Variants in APC observed in about 807,000 individuals in gnomAD.
APC encodes adenomatous polyposis coli protein.
Under a neutral mutation model 247.0 loss-of-function variants are expected in APC, and 72 were observed. That is an observed-to-expected ratio of 0.29 (90% CI 0.24 to 0.35). The LOEUF (loss-of-function observed/expected upper bound fraction) is 0.35, where lower values mean the gene tolerates loss of function less well. Among genes scored for constraint, APC ranks in the 10% least tolerant of loss-of-function variants. The pLI is 1.00. For missense variants in APC, 3,400 were observed against 3,360.7 expected (o/e 1.01, Z -0.29); for synonymous variants, 1,254 against 1,162.5 (o/e 1.08, Z -1.60).
intron 4 of APC, 134 bp from the exon 5 acceptor site, chr5:112,775,495 G>A (rs886209305): frequency 5.3e-6 from 3 of 565,616 alleles, no homozygotes; most frequent in Admixed American, 6.6e-5. Context: ...TGAAATCAAT[G>A]TAAATTTTTT....
chr5:112,787,414 TAC>T (rs760258509), intron 6 of APC, among the ~76,000 whole-genome samples: 24 of 152,046 alleles, frequency 1.6e-4, no homozygotes, highest in African/African-American at 3.4e-4. Context: ...CTTTTTAGTT[TAC>T]ATTCCTAATA....
chr5:112,752,024 T>C (rs1340843755), intron 1 of APC, among the ~76,000 whole-genome samples: 1 of 152,088 alleles, frequency 6.6e-6, no homozygotes, highest in Non-Finnish European at 1.5e-5. Context: ...ATAATTAATT[T>C]TCTAATAGTG....
intron 1 of APC, among the ~76,000 whole-genome samples, chr5:112,741,706 C>G (rs1581075420): frequency 6.6e-6 from 1 of 152,112 alleles, no homozygotes; most frequent in African/African-American, 2.4e-5. Flanking sequence ...GCAACCATCA[C>G]CACCACCCAT....
At chr5:112,795,435 C>T (rs1459416546) in intron 7 of APC, among the ~76,000 whole-genome samples, 2 of 152,124 alleles carry the variant, frequency 1.3e-5, no homozygotes, top group Non-Finnish European at 1.5e-5. Context: ...AATAATTGGC[C>T]ACATGAGGAT....
rs1561545834 is a variant in APC at position 112,821,902 on chromosome 5, C to T, written c.1319C>T (p.Ala440Val). 1 of 1,612,032 alleles carries T rather than the reference C, an allele frequency of 6.2e-7. No homozygotes were observed. The highest frequency in any genetic ancestry group is 8.5e-7 in the Non-Finnish European group (1 of 1,178,544). ...TGTTGATTTTATTTTTCAGTGCCAGCTCCTGTTGAACATCAGATCTGTCCT... is the reference window on the plus strand; with the variant it reads ...TGTTGATTTTATTTTTCAGTGCCAGTTCCTGTTGAACATCAGATCTGTCCT... The part of the protein sequence containing the change: ...GMDQDKNPMP[A>V]PVEHQICPAV... The change falls in exon 11 of 16, where the codon GCT becomes GTT. Residue 440 changes from alanine to valine, a missense_variant. By Grantham distance (64) the Ala-to-Val change is moderately conservative (BLOSUM62 0). This residue lies in a region of APC where 199 missense variants were observed against 212.5 expected (regional missense o/e 0.94). Transcript: ENST00000257430.
At position 112,819,152 on chromosome 5, in the gene APC, C is replaced by T. The variant is rs947634162; in HGVS notation, c.1120C>T (p.Arg374Trp). 3.7e-6 allele frequency: 6 copies of T among 1,613,972 alleles called. No individual in the cohort carries two copies. The highest frequency in any genetic ancestry group is 2.2e-5 in the East Asian group (1 of 44,834). Residue 374 changes from arginine (R) to tryptophan (W), a missense_variant, in exon 10 of 16, where the codon CGG (arginine) becomes TGG (tryptophan). Transcript: ENST00000257430. ...DKDSVLLGNS[R>W]GSKEARARAS... ...AGACTCTGTATTGTTGGGAAATTCCCGGGGCAGTAAAGAGGCTCGGGCCAG... is the reference window on the plus strand; with the variant it reads ...AGACTCTGTATTGTTGGGAAATTCCTGGGGCAGTAAAGAGGCTCGGGCCAG...
In APC at chr5:112,800,399, A is replaced by G. The variant is rs536323249; in HGVS notation, c.730-880A>G. Among the ~76,000 whole-genome samples, 17 of 152,266 alleles carry G rather than the reference A, an allele frequency of 1.1e-4. No individual in the cohort carries two copies. The South Asian group carries it at 3.3e-3, about 30-fold the overall frequency. On this transcript the variant is annotated intron_variant, in intron 7 of 15. Transcript: ENST00000257430. ...CTTTTGCCAGCATATAACTGATACT[A>G]GTTTATTGATGGAAATGTTGCATAT...
chr5:112,771,351 G>T (rs139874529), intron 4 of APC, among the ~76,000 whole-genome samples: 1,640 of 152,058 alleles, frequency 0.011, 23 homozygotes, highest in Non-Finnish European at 0.013. Flanking sequence ...GAATTTTTCT[G>T]ATCTAATTTG....
intron 8 of APC, among the ~76,000 whole-genome samples, chr5:112,813,519 A>T (rs896704437): frequency 1.3e-5 from 2 of 152,174 alleles, no homozygotes; most frequent in African/African-American, 4.8e-5. Flanking sequence ...ATCCTGACGA[A>T]TCACTTAGGA....
At chr5:112,740,886 C>G (rs761070725) in intron 1 of APC, among the ~76,000 whole-genome samples, 1 of 152,092 alleles carries the variant, frequency 6.6e-6, no homozygotes, top group African/African-American at 2.4e-5. Flanking sequence ...TAAACTGTTA[C>G]TCATTTTATG....
chr5:112,826,933 A>G (rs1383649087), intron 11 of APC, among the ~76,000 whole-genome samples, 175 bp from the exon 12 acceptor site: 2 of 152,188 alleles, frequency 1.3e-5, no homozygotes, highest in African/African-American at 2.4e-5. Context: ...CTTTATAAAT[A>G]TATTATACAG....
rs1580667302 is a variant in APC at position 112,841,673 on chromosome 5, C to T, written c.6079C>T (p.Leu2027Phe). The change falls in exon 16 of 16, where the codon CTC (leucine) becomes TTC (phenylalanine). Residue 2027 changes from leucine (L) to phenylalanine (F), a missense_variant. By Grantham distance (22) the Leu-to-Phe change is conservative. Around this residue, in one of 9 missense-constraint regions of APC, gnomAD observed 1,788 missense variants for 1,649.5 expected, o/e 1.08. Coordinates refer to ENST00000257430, the MANE Select transcript of APC (RefSeq NM_000038.6). This position sits in a 1 kb window ranked among gnomAD's most constrained non-coding sequence, Gnocchi z 4.6. ...TPVCFSRNSS[L>F]SSLSIDSEDD... The stretch of plus-strand genomic sequence containing the variant: ...AGTTTGTTTCTCAAGAAACAGTTCT[C>T]TCAGTTCTCTTAGTATTGACTCTGA... The T allele has an allele frequency of 1.2e-6, 2 of 1,613,844 alleles. No homozygotes were observed. Among genetic ancestry groups the T allele is most frequent in the Non-Finnish European group, 1.7e-6 (2 of 1,179,776 alleles).
chr5:112,745,014 G>T (rs1248816002), intron 1 of APC, among the ~76,000 whole-genome samples: 1 of 152,118 alleles, frequency 6.6e-6, no homozygotes, highest in Non-Finnish European at 1.5e-5. Flanking sequence ...TTAATATATA[G>T]AAAGCATTTA....
At chr5:112,827,837 A>G (rs1366670632) in intron 12 of APC, 92 bp from the exon 13 acceptor site, 4 of 1,018,380 alleles carry the variant, frequency 3.9e-6, no homozygotes, top group East Asian at 2.5e-5. Flanking sequence ...AAACAAAATA[A>G]TGAAAACTGA....
intron 8 of APC, among the ~76,000 whole-genome samples, chr5:112,808,340 G>A (rs533115105): frequency 6.4e-4 from 97 of 152,236 alleles, no homozygotes; most frequent in Non-Finnish European, 1.3e-3. Flanking sequence ...ATAGGAATTA[G>A]TATATCTCTG....
chr5:112,737,945 T>TGGCC lies in APC; in HGVS notation c.-19+21_-19+24dup. On this transcript the variant is annotated intron_variant, in intron 1 of 15. Coordinates refer to ENST00000257430, the MANE Select transcript of APC (RefSeq NM_000038.6). ...AATGGGGTAGGTGCTGGAGCCACCA[T>TGGCC]GGCCAGGCTTGCTGCGGGGGGAGGG... The TGGCC allele has an allele frequency of 3.0e-6, 3 of 985,960 alleles. No homozygotes were observed. In the South Asian group the frequency reaches 1.4e-4, roughly 46 times the overall value. The allele number at this position is 985,960 out of a possible 1,614,324, so 61.1% of individuals were successfully genotyped here. A position where few individuals can be genotyped will look rare whatever the true frequency, so the allele number is the denominator to read the frequency against.
At chr5:112,798,516 A>C (rs1303372376) in intron 7 of APC, among the ~76,000 whole-genome samples, 2 of 152,242 alleles carry the variant, frequency 1.3e-5, no homozygotes, top group African/African-American at 4.8e-5. Context: ...ATTTAATTGA[A>C]CACTTAAAAT....
intron 5 of APC, chr5:112,778,467 TAAAAAAAA>T (rs1211146612): frequency 7.3e-6 from 1 of 136,610 alleles, no homozygotes; most frequent in Admixed American, 7.4e-5. Flanking sequence ...ATTCTATATT[TAAAAAAAA>T]AAAAAAAGAA....
At chr5:112,709,197 A>G (rs1750706751) in intron 1 of APC, among the ~76,000 whole-genome samples, 1 of 152,232 alleles carries the variant, frequency 6.6e-6, no homozygotes, top group Non-Finnish European at 1.5e-5. Context: ...TGCCTGCTGT[A>G]TTAGAATTGT....
Sources: allele counts gnomAD v4.1 joint callset (sites outside exome capture counted in the v4.1 genomes callset), GRCh38; gene constraint gnomAD v4.1.1; regional missense constraint gnomAD v4.1.1; non-coding constraint Gnocchi (gnomAD v3.1); transcripts MANE v1.5; gene names NCBI Gene and HGNC (gene_info 2026-07-23, HGNC 2026-07-21).